The following INTS6 variants were observed in gnomAD, a reference collection of about 807,000 sequenced individuals.
INTS6 encodes the protein DEAD box protein.
INTS6 carries 16 observed loss-of-function variants against 104.9 expected under a neutral mutation model. That is an observed-to-expected ratio of 0.15 (90% confidence interval 0.10 to 0.23). The LOEUF is 0.23. INTS6 is among the 10% of genes least tolerant of loss of function. The pLI is 1.00. For synonymous variants in INTS6, 324 were observed against 358.7 expected (o/e 0.90, Z 1.09); for missense variants, 584 against 1,062.8 (o/e 0.55, Z 6.26).
chr13:51,446,647 A>T (rs992994886), intron 3 of INTS6: 3 of 152,250 alleles, frequency 2.0e-5, no homozygotes, highest in African/African-American at 7.2e-5. Flanking sequence ...AAGAAGTGGA[A>T]GCAACCCAAG....
intron 4 of INTS6, among the ~76,000 whole-genome samples, chr13:51,409,423 T>C (rs1485706089): frequency 6.6e-6 from 1 of 151,772 alleles, no homozygotes; most frequent in Non-Finnish European, 1.5e-5. Context: ...ATAACACTTA[T>C]CTTTTAAATG....
At position 51,354,240 on chromosome 13, in the gene INTS6, G is replaced by GCA. The variant is rs1421999839; in HGVS notation, n.525_526dup. On this transcript the variant is annotated non_coding_transcript_exon_variant, in exon 4 of 4. Coordinates refer to the INTS6 transcript ENST00000476666. ...TGTAGGTGACTAGAGCATGGGCTCT[G>GCA]CACACACACAGGCTTGATTTGAATC... The GCA allele has an allele frequency of 2.6e-5, 4 of 151,800 alleles. No individual in the cohort carries two copies. The East Asian group carries it at 7.7e-4, about 29-fold the overall frequency. 9.4% of individuals were successfully genotyped at this position (151,800 alleles called of 1,614,324 possible).
At chr13:51,375,764 T>TGTGC (rs1555283859) in intron 13 of INTS6, among the ~76,000 whole-genome samples, 1,983 of 150,934 alleles carry the variant, frequency 0.013, 18 homozygotes, top group South Asian at 0.036. Flanking sequence ...TGTGTGTGTG[T>TGTGC]GTGCGCGCGC....
At chr13:51,348,726 T>C in the INTS6 span, 12 of 302,390 alleles carry the variant, frequency 4.0e-5, no homozygotes, top group Non-Finnish European at 1.9e-5. Context: ...GCTGGACCAG[T>C]TTTTGGAAAG....
At chr13:51,449,383 T>A in intron 3 of INTS6, 2 of 779,502 alleles carry the variant, frequency 2.6e-6, no homozygotes, top group Non-Finnish European at 3.1e-6. Context: ...AACTAAAGTG[T>A]TCTCTGGGGG....
At chr13:51,432,534 T>C (rs1346118592) in intron 3 of INTS6, among the ~76,000 whole-genome samples, 1 of 152,140 alleles carries the variant, frequency 6.6e-6, no homozygotes, top group Non-Finnish European at 1.5e-5. Flanking sequence ...GAATATGTCA[T>C]ATTTCTTTCC....
intron 5 of INTS6, among the ~76,000 whole-genome samples, chr13:51,394,108 C>T (rs113600291): frequency 0.011 from 1,725 of 151,702 alleles, 26 homozygotes; most frequent in East Asian, 0.071. Context: ...TATAAATGTG[C>T]ACCCTCCCAC....
Position 51,405,870 on chromosome 13 carries a change from T to G in INTS6, c.430-10387A>C, listed in dbSNP as rs200332460. ...AAACTCACAAATTCTTAAGAAATAATAAACTGTTGTTTTAAGTCACTAAGT... is the reference window on the plus strand; with the variant it reads ...AAACTCACAAATTCTTAAGAAATAAGAAACTGTTGTTTTAAGTCACTAAGT... On this transcript the variant is annotated intron_variant, in intron 4 of 17. Transcript: ENST00000311234. 8.5e-5 allele frequency among the ~76,000 whole-genome samples: 13 copies of G among 152,286 alleles called. No individual in the cohort carries two copies. In the East Asian group the frequency reaches 2.3e-3, roughly 27 times the overall value.
intron 4 of INTS6, among the ~76,000 whole-genome samples, chr13:51,415,437 G>C (rs1271263445): frequency 6.6e-6 from 1 of 152,154 alleles, no homozygotes; most frequent in Non-Finnish European, 1.5e-5. Context: ...ACCCCCATGG[G>C]AGGTAATTAA....
chr13:51,373,158 C>G (rs1955846335), intron 15 of INTS6, among the ~76,000 whole-genome samples: 1 of 149,712 alleles, frequency 6.7e-6, no homozygotes, highest in African/African-American at 2.4e-5. Flanking sequence ...CCTGTATTTC[C>G]TATAAATTGG....
In INTS6 at chr13:51,363,460, G is replaced by A. The variant is rs773565442; in HGVS notation, c.*2292C>T. The A allele has an allele frequency of 1.3e-5, 2 of 151,468 alleles. No individual in the cohort carries two copies. The highest frequency in any genetic ancestry group is 1.5e-5 in the Non-Finnish European group (1 of 67,798). The allele number at this position is 151,468 out of a possible 1,614,324, so 9.4% of individuals were successfully genotyped here. A position where few individuals can be genotyped will look rare whatever the true frequency, so the allele number is the denominator to read the frequency against. The stretch of plus-strand genomic sequence containing the variant: ...ATTTCCAACTGACAAATCTTACTAA[G>A]AGCAACTAATGAATCAATCAGCAAA... On this transcript the variant is annotated 3_prime_UTR_variant, in exon 18 of 18. Coordinates refer to ENST00000311234, the MANE Select transcript of INTS6 (RefSeq NM_012141.3).
chr13:51,336,560 C>T, the INTS6 span, among the ~76,000 whole-genome samples: 517 of 152,314 alleles, frequency 3.4e-3, 2 homozygotes, highest in African/African-American at 0.012. Flanking sequence ...CAGCCGGTTA[C>T]ATGACGATTC....
At chr13:51,368,815 T>C in intron 16 of INTS6, 124 bp downstream of exon 16, 6 of 975,364 alleles carry the variant, frequency 6.2e-6, no homozygotes, top group Non-Finnish European at 9.0e-6. Context: ...AACTGAGATG[T>C]TGTTCAAGAC....
chr13:51,415,682 G>A lies in INTS6; in HGVS notation c.429+14612C>T, dbSNP rs539288649. 4.6e-5 allele frequency among the ~76,000 whole-genome samples: 7 copies of A among 152,158 alleles called. No individual in the cohort carries two copies. In the South Asian group the frequency reaches 6.2e-4, roughly 14 times the overall value. The stretch of plus-strand genomic sequence containing the variant: ...TTTCTTTTATTAATTGCCCAGTCTC[G>A]GGTATGTCTTTACCAGCAGCATGAA... On this transcript the variant is annotated intron_variant, in intron 4 of 17. Transcript: ENST00000311234.
At chr13:51,378,073 ACT>A (rs1955968615) in intron 12 of INTS6, among the ~76,000 whole-genome samples, 164 bp downstream of exon 12, 1 of 152,078 alleles carries the variant, frequency 6.6e-6, no homozygotes, top group Non-Finnish European at 1.5e-5. Context: ...CACCATGTAC[ACT>A]GTTTTAATTC....
At chr13:51,357,138 A>G (rs1402037549), downstream of INTS6, among the ~76,000 whole-genome samples, 1 of 152,200 alleles carries the variant, frequency 6.6e-6, no homozygotes, top group Non-Finnish European at 1.5e-5. Flanking sequence ...TGGCTAAAAT[A>G]TTTAATATCC....
At chr13:51,348,477 A>C in the INTS6 span, 3 of 1,394,586 alleles carry the variant, frequency 2.2e-6, no homozygotes, top group Non-Finnish European at 3.0e-6. Flanking sequence ...GGATTTGCAC[A>C]CAGGTGGTCT....
chr13:51,387,924 A>G (rs1238740487), intron 6 of INTS6, among the ~76,000 whole-genome samples: 1 of 152,208 alleles, frequency 6.6e-6, no homozygotes, highest in Non-Finnish European at 1.5e-5. Context: ...AATGTCAAAA[A>G]CAGTGCCAGG....
In INTS6 at chr13:51,375,734, G is replaced by GGTGTGTGTGTGT. The variant is rs71684515; in HGVS notation, c.1729+302_1729+313dup. 1.5e-3 allele frequency among the ~76,000 whole-genome samples: 217 copies of GGTGTGTGTGTGT among 147,680 alleles called. 1 individual carries two copies. Among genetic ancestry groups the GGTGTGTGTGTGT allele is most frequent in the African/African-American group, 4.8e-3 (195 of 40,958 alleles). On this transcript the variant is annotated intron_variant, in intron 13 of 17. Coordinates refer to ENST00000311234, the MANE Select transcript of INTS6 (RefSeq NM_012141.3). ...TTTTAAGTATACAGTTTGATAAGTG[G>GGTGTGTGTGTGT]GTGTGTGTGTGTGTGTGTGTGTGTG...
Sources: allele counts gnomAD v4.1 joint callset (sites outside exome capture counted in the v4.1 genomes callset), GRCh38; gene constraint gnomAD v4.1.1; transcripts MANE v1.5; gene names NCBI Gene and HGNC (gene_info 2026-07-23, HGNC 2026-07-21).